The following PREP variants were observed in gnomAD, a reference collection of about 807,000 sequenced individuals.
PREP encodes prolyl endopeptidase, also known as dJ355L5.1 (prolyl endopeptidase).
Under a neutral mutation model 87.6 loss-of-function variants are expected in PREP, and 29 were observed. The ratio of observed to expected loss-of-function variants is 0.33; its 90% confidence interval spans 0.25 to 0.45. PREP has a LOEUF of 0.45. Among genes scored for constraint, PREP ranks in the 20% least tolerant of loss-of-function variants. The pLI, the probability that PREP is intolerant of heterozygous loss-of-function variation, is 1.00. For synonymous variants in PREP, 337 were observed against 328.6 expected, an observed-to-expected ratio of 1.03 and a Z score of -0.28; for missense variants, 695 against 886.5, an observed-to-expected ratio of 0.78 and a Z score of 2.74.
At chr6:105,392,533 T>C (rs1773180171) in intron 2 of PREP, among the ~76,000 whole-genome samples, 1 of 152,192 alleles carries the variant, frequency 6.6e-6, no homozygotes, top group African/African-American at 2.4e-5. Flanking sequence ...GGCGTTTAGT[T>C]TGTATTTCCA....
intron 9 of PREP, among the ~76,000 whole-genome samples, chr6:105,325,818 C>T (rs568564910): frequency 2.6e-5 from 4 of 152,102 alleles, no homozygotes; most frequent in African/African-American, 7.2e-5. Flanking sequence ...GTCAGGTGAT[C>T]GCTAGGAAAT....
At chr6:105,371,072 A>T (rs1476361898) in intron 5 of PREP, among the ~76,000 whole-genome samples, 1 of 152,204 alleles carries the variant, frequency 6.6e-6, no homozygotes, top group Non-Finnish European at 1.5e-5. Flanking sequence ...CAAATGTACC[A>T]CTCTGGTGGG....
At chr6:105,377,329 A>T (rs1772710042) in intron 3 of PREP, 57 bp downstream of exon 3, 8 of 1,528,970 alleles carry the variant, frequency 5.2e-6, no homozygotes, top group Non-Finnish European at 7.1e-6. Flanking sequence ...GTATTTTACA[A>T]TTTAAGAAAG....
At chr6:105,315,008 T>A (rs950910141) in intron 10 of PREP, among the ~76,000 whole-genome samples, 3 of 152,206 alleles carry the variant, frequency 2.0e-5, no homozygotes, top group African/African-American at 7.2e-5. Context: ...GCATTGTCAA[T>A]GAGCAGTAAA....
Position 105,344,767 on chromosome 6 carries a change from A to G in PREP, c.823+8205T>C, listed in dbSNP as rs558227016. ...TGGGTGCAGCACACCAACATGGCAC[A>G]TGTATGAATATGTAACAAACCTGCA... On this transcript the variant is annotated intron_variant, in intron 7 of 14. Transcript: ENST00000652536. 3.2e-4 allele frequency among the ~76,000 whole-genome samples: 48 copies of G among 152,334 alleles called. 1 individual carries two copies. The highest frequency in any genetic ancestry group is 6.8e-3 in the Middle Eastern group (2 of 294).
chr6:105,292,877 G>A (rs773198028), intron 10 of PREP, among the ~76,000 whole-genome samples: 4 of 152,110 alleles, frequency 2.6e-5, no homozygotes, highest in African/African-American at 7.2e-5. Context: ...TCCTGAAACC[G>A]TATGGCCCAT....
chr6:105,355,761 A>T (rs1772082811), intron 6 of PREP, among the ~76,000 whole-genome samples: 1 of 152,160 alleles, frequency 6.6e-6, no homozygotes, highest in Non-Finnish European at 1.5e-5. Flanking sequence ...GGTCAATGAA[A>T]TGTGTCCATT....
chr6:105,296,324 T>C (rs559369384), intron 10 of PREP, among the ~76,000 whole-genome samples: 144 of 152,312 alleles, frequency 9.5e-4, no homozygotes, highest in African/African-American at 3.3e-3. Context: ...TATCTTACAT[T>C]GAAGGGTAGT....
At chr6:105,347,804 C>T (rs760305845) in intron 7 of PREP, among the ~76,000 whole-genome samples, 5 of 152,018 alleles carry the variant, frequency 3.3e-5, no homozygotes, top group East Asian at 1.9e-4. Context: ...CTTGAGCCCA[C>T]GTGTTCGAAA....
At chr6:105,380,178 C>T (rs1246309956) in intron 2 of PREP, among the ~76,000 whole-genome samples, 1 of 152,180 alleles carries the variant, frequency 6.6e-6, no homozygotes, top group African/African-American at 2.4e-5. Flanking sequence ...AAAAGCCCTT[C>T]TGAGGAGGTT....
chr6:105,402,689 C>G (rs1374200911), intron 1 of PREP, among the ~76,000 whole-genome samples, 158 bp downstream of exon 1: 1 of 152,166 alleles, frequency 6.6e-6, no homozygotes, highest in Non-Finnish European at 1.5e-5. Flanking sequence ...GCAGAGGAGC[C>G]CCGCGCCCCC....
intron 10 of PREP, among the ~76,000 whole-genome samples, chr6:105,309,589 CTTT>C (rs1473358029): frequency 6.6e-6 from 1 of 151,618 alleles, no homozygotes; most frequent in African/African-American, 2.4e-5. Flanking sequence ...TTTCTTTTTT[CTTT>C]TTTTATTTTT....
intron 8 of PREP, among the ~76,000 whole-genome samples, chr6:105,329,621 T>C (rs1771267795): frequency 6.6e-6 from 1 of 152,222 alleles, no homozygotes; most frequent in South Asian, 2.1e-4. Context: ...TATCATGCTA[T>C]AGGAGCTATA....
intron 7 of PREP, among the ~76,000 whole-genome samples, chr6:105,339,966 C>G (rs1771593820): frequency 6.6e-6 from 1 of 152,146 alleles, no homozygotes; most frequent in Non-Finnish European, 1.5e-5. Context: ...GGAAAACACT[C>G]TGCAGGATAT....
In PREP at chr6:105,397,889, G is replaced by A. The variant is rs766719326; in HGVS notation, c.84C>T (p.Tyr28=). 2.1e-5 allele frequency: 34 copies of A among 1,612,674 alleles called. No homozygotes were observed. Among genetic ancestry groups the A allele is most frequent in the Admixed American group, 6.7e-5 (4 of 59,998 alleles). ...DYHGHKICDP[Y]AWLEDPDSEQ... ...CACTGTCGGGGTCTTCAAGCCAGGC[G>A]TAAGGGTCACAAATTTTATGACCAT... Residue 28 remains tyrosine, a synonymous_variant, in exon 2 of 15, where the codon TAC becomes TAT. Coordinates refer to ENST00000652536, the MANE Select transcript of PREP (RefSeq NM_002726.5).
At chr6:105,281,563 T>C (rs1770081342) in intron 14 of PREP, 183 bp downstream of exon 14, 1 of 685,378 alleles carries the variant, frequency 1.5e-6, no homozygotes, top group African/African-American at 1.8e-5. Flanking sequence ...TTGTAGTTTG[T>C]TGCTTTTGTT....
chr6:105,374,987 T>C (rs777311003), intron 4 of PREP, among the ~76,000 whole-genome samples: 5 of 152,106 alleles, frequency 3.3e-5, no homozygotes, highest in East Asian at 1.9e-4. Flanking sequence ...TAGATCCTTG[T>C]GGAAACTAAA....
At chr6:105,357,292 T>C (rs927730914) in intron 6 of PREP, among the ~76,000 whole-genome samples, 2 of 152,244 alleles carry the variant, frequency 1.3e-5, no homozygotes, top group African/African-American at 4.8e-5. Context: ...TCAGTTGTAG[T>C]GATTCAGTCA....
chr6:105,383,277 C>A (rs143754926), intron 2 of PREP, among the ~76,000 whole-genome samples: 2 of 150,316 alleles, frequency 1.3e-5, no homozygotes, highest in South Asian at 2.1e-4. Context: ...AAAGAGTGCT[C>A]GTAATTTTCC....
Sources: gnomAD v4.1 joint callset for allele counts (sites outside exome capture counted in the v4.1 genomes callset) on GRCh38, gnomAD v4.1.1 for gene constraint, MANE v1.5 for transcripts, NCBI Gene and HGNC (gene_info 2026-07-23, HGNC 2026-07-21) for gene names.